Variants in RASGEF1C observed in about 807,000 individuals in gnomAD.
RASGEF1C encodes the protein ras-GEF domain-containing family member 1C.
In RASGEF1C, 27 loss-of-function variants were observed where a neutral mutation model predicts 58.1. That is an observed-to-expected ratio of 0.46 (90% CI 0.34 to 0.64). The LOEUF is 0.64. Ranked by LOEUF, RASGEF1C falls within the 30% of genes least tolerant of loss-of-function variation. RASGEF1C has a pLI of 0.01. For synonymous variants in RASGEF1C, 243 were observed against 246.3 expected, an observed-to-expected ratio of 0.99 and a Z score of 0.13; for missense variants, 502 against 605.1, an observed-to-expected ratio of 0.83 and a Z score of 1.79.
At chr5:180,174,549 CGT>C (rs1554114725) in intron 1 of RASGEF1C, among the ~76,000 whole-genome samples, 2,765 of 145,940 alleles carry the variant, frequency 0.019, 35 homozygotes, top group Middle Eastern at 0.037. Flanking sequence ...TGCGTGTGTG[CGT>C]GTGTCTGTGT....
intron 1 of RASGEF1C, among the ~76,000 whole-genome samples, chr5:180,203,780 A>T (rs1003797219): frequency 6.6e-6 from 1 of 152,218 alleles, no homozygotes; most frequent in African/African-American, 2.4e-5. Flanking sequence ...GGATCACTTG[A>T]GGCCAGGAGT....
At chr5:180,112,105 T>C (rs1157035044) in intron 11 of RASGEF1C, among the ~76,000 whole-genome samples, 1 of 152,154 alleles carries the variant, frequency 6.6e-6, no homozygotes, top group East Asian at 1.9e-4. Context: ...TAGTCTTACC[T>C]GTCCCTGGCC....
chr5:180,142,352 C>T (rs114943064), intron 1 of RASGEF1C, among the ~76,000 whole-genome samples: 2,239 of 152,202 alleles, frequency 0.015, 57 homozygotes, highest in African/African-American at 0.051. Flanking sequence ...CACACCACTG[C>T]GGGGAGGGGT....
rs569024009 is a variant in RASGEF1C, at chr5:180,161,507, G to A, written c.-6-23449C>T. On this transcript the variant is annotated intron_variant, in intron 1 of 13. Coordinates refer to ENST00000361132, the MANE Select transcript of RASGEF1C (RefSeq NM_175062.4). ...TGGACCTGATGGGGCCGGGGCCATC[G>A]CCGTGGCGTCTTGAGGACCTGACGC... Among the ~76,000 whole-genome samples the A allele has an allele frequency of 2.8e-4, 42 of 152,354 alleles. 1 individual carries two copies. The South Asian group carries it at 7.7e-3, about 28-fold the overall frequency.
chr5:180,171,345 G>A (rs1006254422), intron 1 of RASGEF1C, among the ~76,000 whole-genome samples: 9 of 152,052 alleles, frequency 5.9e-5, no homozygotes, highest in Non-Finnish European at 1.2e-4. Flanking sequence ...GCAGCCTCGT[G>A]TTCAGACCTG....
intron 1 of RASGEF1C, among the ~76,000 whole-genome samples, chr5:180,182,649 G>A (rs1767366392): frequency 6.6e-6 from 1 of 152,156 alleles, no homozygotes; most frequent in African/African-American, 2.4e-5. Flanking sequence ...AGCACTGATT[G>A]GTGCATTTTT....
chr5:180,139,819 G>A (rs1003542996), intron 1 of RASGEF1C, among the ~76,000 whole-genome samples: 12 of 152,146 alleles, frequency 7.9e-5, no homozygotes, highest in African/African-American at 4.8e-5. Flanking sequence ...CCCAGGGCCC[G>A]GCAGCTCAGC....
At chr5:180,130,094 G>A (rs1319015050) in intron 4 of RASGEF1C, among the ~76,000 whole-genome samples, 2 of 152,196 alleles carry the variant, frequency 1.3e-5, no homozygotes, top group South Asian at 2.1e-4. Context: ...ATAGCACAGC[G>A]GCGGCAGCAC....
At chr5:180,123,534 TAAAA>T (rs940595853) in intron 6 of RASGEF1C, among the ~76,000 whole-genome samples, 1 of 152,150 alleles carries the variant, frequency 6.6e-6, no homozygotes, top group African/African-American at 2.4e-5. Context: ...ATGAAAATGT[TAAAA>T]AATAAAACTT....
intron 1 of RASGEF1C, among the ~76,000 whole-genome samples, chr5:180,189,351 A>T (rs1200910737): frequency 9.2e-5 from 14 of 152,348 alleles, no homozygotes. Context: ...TCCCAAATGG[A>T]TCTATAGACT....
intron 1 of RASGEF1C, among the ~76,000 whole-genome samples, chr5:180,192,717 A>G (rs1281832245): frequency 6.6e-6 from 1 of 150,844 alleles, no homozygotes; most frequent in African/African-American, 2.4e-5. Flanking sequence ...ACTGGGTTAA[A>G]TAAAATATCT....
chr5:180,138,418 C>CA (rs1220438302), intron 1 of RASGEF1C: 1 of 184,250 alleles, frequency 5.4e-6, no homozygotes, highest in African/African-American at 2.3e-5. Context: ...CTTCTGGCCA[C>CA]AAAGATTGGT....
At position 180,177,243 on chromosome 5, in the gene RASGEF1C, C is replaced by A. The variant is rs989612608; in HGVS notation, c.-7+31785G>T. Among the ~76,000 whole-genome samples the A allele has an allele frequency of 2.0e-5, 3 of 152,206 alleles. No individual in the cohort carries two copies. Among genetic ancestry groups the A allele is most frequent in the Non-Finnish European group, 4.4e-5 (3 of 68,030 alleles). On this transcript the variant is annotated intron_variant, in intron 1 of 13. Transcript: ENST00000361132. This position sits in a 1 kb window ranked among gnomAD's most constrained non-coding sequence, Gnocchi z 5.0. ...TCAAACCATGTGCACATCAGCCCCT[C>A]AGCCCCGAAGCCAGGGGCTGCTTTC...
At chr5:180,147,493 T>G (rs1296376700) in intron 1 of RASGEF1C, among the ~76,000 whole-genome samples, 1 of 152,188 alleles carries the variant, frequency 6.6e-6, no homozygotes, top group Non-Finnish European at 1.5e-5. Flanking sequence ...TAGTATGTTG[T>G]GTTTTCATTT....
rs150593438 is a variant in RASGEF1C, at chr5:180,173,783, G to T, written c.-7+35245C>A. 4.2e-3 allele frequency among the ~76,000 whole-genome samples: 645 copies of T among 152,044 alleles called. 3 individuals carry two copies. Among genetic ancestry groups the T allele is most frequent in the African/African-American group, 0.014 (576 of 41,462 alleles). On this transcript the variant is annotated intron_variant, in intron 1 of 13. Transcript: ENST00000361132. ...CAGAAATTAGCTGGGCGTGGTGGTG[G>T]GCGCCTGTAATCCCAGCTGCTAGGG... is the stretch of plus-strand genomic sequence containing the variant.
In RASGEF1C at chr5:180,119,395, G is replaced by A. The variant is rs138497001; in HGVS notation, c.858C>T (p.Ala286=). Residue 286 remains alanine, a synonymous_variant, in exon 8 of 14, where the codon GCC becomes GCT. Coordinates refer to ENST00000361132, the MANE Select transcript of RASGEF1C (RefSeq NM_175062.4). ...AGTTGCCGATGTTGAAGCACTCGCG[G>A]GCCACGTCGATGAAGAACTCAATCA... ...AQVIEFFIDV[A]RECFNIGNFN... is the part of the protein sequence containing the mutation. 1 of 1,614,210 alleles carries A rather than the reference G, an allele frequency of 6.2e-7. No individual in the cohort carries two copies. Among genetic ancestry groups the A allele is most frequent in the South Asian group, 1.1e-5 (1 of 91,082 alleles).
At chr5:180,130,195 G>A (rs1367394328) in intron 4 of RASGEF1C, among the ~76,000 whole-genome samples, 1 of 152,218 alleles carries the variant, frequency 6.6e-6, no homozygotes, top group African/African-American at 2.4e-5. Context: ...AGTCGCATAG[G>A]GTGACCTGGA....
At chr5:180,118,508 T>G in intron 10 of RASGEF1C, 101 bp downstream of exon 10, 1 of 1,105,488 alleles carries the variant, frequency 9.0e-7, no homozygotes, top group Non-Finnish European at 1.3e-6. Context: ...TGGCTGTCTA[T>G]TACTGATGCT....
intron 1 of RASGEF1C, among the ~76,000 whole-genome samples, chr5:180,148,153 A>G (rs1766687574): frequency 6.6e-6 from 1 of 152,100 alleles, no homozygotes; most frequent in Non-Finnish European, 1.5e-5. Flanking sequence ...TGTTATTAGT[A>G]TGGCTGCTCC....
Sources: gnomAD v4.1 joint callset for allele counts (sites outside exome capture counted in the v4.1 genomes callset) on GRCh38, gnomAD v4.1.1 for gene constraint, Gnocchi (gnomAD v3.1) non-coding constraint, MANE v1.5 for transcripts, NCBI Gene and HGNC (gene_info 2026-07-23, HGNC 2026-07-21) for gene names.